The following HMGN5 variants were observed in gnomAD, a reference collection of about 807,000 sequenced individuals.
HMGN5 encodes high mobility group nucleosome binding domain 5.
A neutral mutation model predicts 9.5 loss-of-function variants in HMGN5; 4 were observed. The observed-to-expected ratio is 0.42, with a 90% confidence interval of 0.21 to 0.96. The LOEUF is 0.96. Among genes scored for constraint, HMGN5 ranks in the 40% least tolerant of loss-of-function variants. The pLI, the probability that HMGN5 is intolerant of heterozygous loss-of-function variation, is 0.30. For synonymous variants in HMGN5, 55 were observed against 57.1 expected (o/e 0.96, Z 0.16); for missense variants, 192 against 187.5 (o/e 1.02, Z -0.14).
chrX:81,145,761 CAT>C (rs1475724566), intron 1 of HMGN5, among the ~76,000 whole-genome samples: 3 of 111,183 alleles, frequency 2.7e-5, no homozygotes, highest in African/African-American at 9.8e-5. Flanking sequence ...AGACCCATCT[CAT>C]GTGCAAAGAC....
At chrX:81,134,393 AGATTT>A (rs1319694961) in intron 1 of HMGN5, among the ~76,000 whole-genome samples, 2 of 111,576 alleles carry the variant, frequency 1.8e-5, no homozygotes, top group African/African-American at 6.5e-5. Flanking sequence ...TTTCATTATT[AGATTT>A]ATTTCATTAA....
At chrX:81,125,503 G>A (rs1161465371) in intron 1 of HMGN5, among the ~76,000 whole-genome samples, 2 of 111,258 alleles carry the variant, frequency 1.8e-5, no homozygotes, top group African/African-American at 6.5e-5. Context: ...TGTAATTCTG[G>A]TGACCCAAAT....
At chrX:81,182,356 C>T (rs1471450413) in intron 1 of HMGN5, among the ~76,000 whole-genome samples, 1 of 112,075 alleles carries the variant, frequency 8.9e-6, no homozygotes, top group Non-Finnish European at 1.9e-5. Flanking sequence ...AATTCCTTGT[C>T]AGATGGTGAC....
intron 1 of HMGN5, among the ~76,000 whole-genome samples, chrX:81,167,882 T>A (rs904220985): frequency 8.9e-6 from 1 of 112,218 alleles, no homozygotes; most frequent in African/African-American, 3.2e-5. Context: ...CTGGATTTTT[T>A]TTTTGTTTTG....
intron 2 of HMGN5, among the ~76,000 whole-genome samples, chrX:81,120,583 A>G (rs1290439617): frequency 9.0e-6 from 1 of 111,350 alleles, no homozygotes; most frequent in Non-Finnish European, 1.9e-5. Context: ...TATTATTCCT[A>G]TGTTTTAGGA....
chrX:81,158,106 A>G (rs945011692), intron 1 of HMGN5, among the ~76,000 whole-genome samples: 2 of 111,606 alleles, frequency 1.8e-5, no homozygotes, highest in Admixed American at 1.9e-4. Context: ...ATGGCATTAT[A>G]TACCTGAAAA....
chrX:81,175,880 G>T (rs1039373052), intron 1 of HMGN5, among the ~76,000 whole-genome samples: 1 of 111,810 alleles, frequency 8.9e-6, no homozygotes. Context: ...CCCAGAACAC[G>T]GGTGATTTCT....
At chrX:81,177,208 A>T (rs1276925998) in intron 1 of HMGN5, among the ~76,000 whole-genome samples, 2 of 107,107 alleles carry the variant, frequency 1.9e-5, no homozygotes, top group East Asian at 2.9e-4. Context: ...CTAAAATATT[A>T]AAAAAAAATT....
intron 1 of HMGN5, among the ~76,000 whole-genome samples, chrX:81,153,307 C>A (rs1016581067): frequency 9.4e-6 from 1 of 106,617 alleles, no homozygotes; most frequent in Non-Finnish European, 1.9e-5. Context: ...AATCCCAGCA[C>A]TTTGGAAGGC....
In HMGN5 at chrX:81,168,349, G is replaced by GC. The variant is rs2075416619; in HGVS notation, c.-124+33387dup. On this transcript the variant is annotated intron_variant, in intron 1 of 6. Transcript: ENST00000358130. ...GCAGAGAAAAGGGTTAATGGAACCA[G>GC]CACATAACATTCTTATCATGTGGCT... is the stretch of plus-strand genomic sequence containing the variant. Among the ~76,000 whole-genome samples, 3 of 111,733 alleles carry GC rather than the reference G, an allele frequency of 2.7e-5. No individual in the cohort carries two copies. The South Asian group carries it at 1.1e-3, about 42-fold the overall frequency.
chrX:81,201,852 A>T lies in HMGN5; in HGVS notation c.-239T>A. The T allele has an allele frequency of 4.1e-6, 1 of 244,615 alleles. No individual in the cohort carries two copies. The highest frequency in any genetic ancestry group is 1.3e-3 in the Middle Eastern group (1 of 744). 20.2% of individuals were successfully genotyped at this position (244,615 alleles called of 1,213,427 possible). A position where few individuals can be genotyped will look rare whatever the true frequency, so the allele number is the denominator to read the frequency against. On this transcript the variant is annotated 5_prime_UTR_variant, in exon 1 of 7. Transcript: ENST00000358130. ...CCTTCATGCTAATCTAATTCAATTC[A>T]GTTCTCCTTTTTCTTTCTTCTTCTC... is the stretch of plus-strand genomic sequence containing the variant.
intron 1 of HMGN5, among the ~76,000 whole-genome samples, chrX:81,168,455 T>G (rs1379562670): frequency 9.0e-6 from 1 of 111,652 alleles, no homozygotes; most frequent in Non-Finnish European, 1.9e-5. Flanking sequence ...CACAGACCCC[T>G]AATTTGGATT....
chrX:81,118,402 T>C (rs2075259983), intron 5 of HMGN5, 30 bp downstream of exon 5: 1 of 1,034,277 alleles, frequency 9.7e-7, no homozygotes, highest in Non-Finnish European at 1.3e-6. Flanking sequence ...AAAAGCAAAT[T>C]TATTTCAATA....
intron 1 of HMGN5, among the ~76,000 whole-genome samples, chrX:81,179,308 G>A (rs9780319): frequency 0.047 from 5,219 of 111,355 alleles, 278 homozygotes; most frequent in African/African-American, 0.15. Context: ...AAACCCCATC[G>A]TTTCAGCCCC....
intron 1 of HMGN5, among the ~76,000 whole-genome samples, chrX:81,187,900 A>G (rs2075481773): frequency 9.0e-6 from 1 of 111,080 alleles, no homozygotes; most frequent in Non-Finnish European, 1.9e-5. Flanking sequence ...GAGGCTTACA[A>G]CCTTACAAGA....
At chrX:81,127,271 G>A (rs1268829041) in intron 1 of HMGN5, among the ~76,000 whole-genome samples, 1 of 111,460 alleles carries the variant, frequency 9.0e-6, no homozygotes, top group African/African-American at 3.3e-5. Context: ...AAGAATTCAA[G>A]AACTGATAAA....
Position 81,187,208 on chromosome X carries a change from T to C in HMGN5, c.-124+14529A>G, listed in dbSNP as rs887076705. On this transcript the variant is annotated intron_variant, in intron 1 of 6. Transcript: ENST00000358130. ...GAAATGTTCTGTAAATTTCTGTTAG[T>C]TCACTTTGGTCTATAGTGGAGATTA... Among the ~76,000 whole-genome samples, 5 of 111,894 alleles carry C rather than the reference T, an allele frequency of 4.5e-5. No individual in the cohort carries two copies. In the Admixed American group the frequency reaches 4.8e-4, roughly 11 times the overall value.
intron 1 of HMGN5, among the ~76,000 whole-genome samples, chrX:81,188,566 T>G (rs2075484910): frequency 9.1e-6 from 1 of 110,051 alleles, no homozygotes; most frequent in Non-Finnish European, 1.9e-5. Flanking sequence ...CATGTTCGTT[T>G]GCTGCTCCCA....
chrX:81,176,800 A>T (rs1230590266), intron 1 of HMGN5, among the ~76,000 whole-genome samples: 1 of 111,793 alleles, frequency 8.9e-6, no homozygotes, highest in Admixed American at 9.5e-5. Flanking sequence ...CCAAATCTAC[A>T]TTTGATTGGT....
Sources: allele counts gnomAD v4.1 joint callset (sites outside exome capture counted in the v4.1 genomes callset), GRCh38; gene constraint gnomAD v4.1.1; transcripts MANE v1.5; gene names NCBI Gene and HGNC (gene_info 2026-07-23, HGNC 2026-07-21).